The following CNTN5 variants were observed in gnomAD, a reference collection of about 807,000 sequenced individuals.
The protein encoded by CNTN5 is contactin 5.
In CNTN5, 77 loss-of-function variants were observed where a neutral mutation model predicts 129.1. The ratio of observed to expected loss-of-function variants is 0.60; its 90% CI spans 0.50 to 0.72. The LOEUF (loss-of-function observed/expected upper bound fraction) is 0.72, where lower values mean the gene tolerates loss of function less well. CNTN5 is among the 30% of genes least tolerant of loss of function. CNTN5 has a pLI of 0.00. For missense variants in CNTN5, 1,478 were observed against 1,328.8 expected, an observed-to-expected ratio of 1.11 and a Z score of -1.75; for synonymous variants, 509 against 465.6, an observed-to-expected ratio of 1.09 and a Z score of -1.20.
chr11:99,310,536 T>C (rs1282342009), intron 1 of CNTN5, among the ~76,000 whole-genome samples: 2 of 152,172 alleles, frequency 1.3e-5, no homozygotes, highest in African/African-American at 4.8e-5. Flanking sequence ...TATTTGTTTT[T>C]AGGCACATTA....
chr11:100,216,290 T>C (rs1441388163), intron 15 of CNTN5, among the ~76,000 whole-genome samples: 1 of 152,112 alleles, frequency 6.6e-6, no homozygotes, highest in Non-Finnish European at 1.5e-5. Context: ...CACTGACTAT[T>C]CTGCAATGTA....
chr11:99,587,727 A>G (rs570932754), intron 3 of CNTN5, among the ~76,000 whole-genome samples: 374 of 149,384 alleles, frequency 2.5e-3, no homozygotes, highest in Middle Eastern at 6.9e-3. Flanking sequence ...AAAAGTAATG[A>G]TCAGCTTAAA....
chr11:100,029,645 G>T (rs750569580), intron 9 of CNTN5, among the ~76,000 whole-genome samples: 2 of 152,118 alleles, frequency 1.3e-5, no homozygotes, highest in Non-Finnish European at 2.9e-5. Flanking sequence ...AAATTATACT[G>T]AAAGGTAAAT....
chr11:99,628,391 TG>T (rs2135790722), intron 3 of CNTN5, among the ~76,000 whole-genome samples: 1 of 152,174 alleles, frequency 6.6e-6, no homozygotes, highest in African/African-American at 2.4e-5. Context: ...TTCTGGTACT[TG>T]GGAAATTATG....
intron 6 of CNTN5, among the ~76,000 whole-genome samples, chr11:99,891,886 G>A (rs1949069323): frequency 6.6e-6 from 1 of 152,062 alleles, no homozygotes; most frequent in Non-Finnish European, 1.5e-5. Flanking sequence ...TCTAGTTCTA[G>A]ATCCTTGAGG....
At chr11:99,121,135 CTTTTTTT>C (rs575121058) in intron 1 of CNTN5, among the ~76,000 whole-genome samples, 2 of 125,218 alleles carry the variant, frequency 1.6e-5, no homozygotes, top group East Asian at 2.1e-4. Context: ...TTCTTTCTTT[CTTTTTTT>C]TTTTTTTTTT....
intron 4 of CNTN5, among the ~76,000 whole-genome samples, chr11:99,830,214 A>G (rs1947095228): frequency 6.6e-6 from 1 of 152,086 alleles, no homozygotes; most frequent in South Asian, 2.1e-4. Context: ...GAGGAAGCAA[A>G]TTATTTTTCT....
intron 1 of CNTN5, among the ~76,000 whole-genome samples, chr11:99,104,612 G>GTA (rs1866906636): frequency 8.6e-6 from 1 of 116,452 alleles, no homozygotes; most frequent in Non-Finnish European, 1.8e-5. Context: ...CCTACAATGT[G>GTA]TGTGTATATA....
chr11:99,386,362 G>A (rs894755998), intron 2 of CNTN5, among the ~76,000 whole-genome samples: 5 of 152,314 alleles, frequency 3.3e-5, no homozygotes, highest in Non-Finnish European at 4.4e-5. Flanking sequence ...CGAGGGCTGC[G>A]GGTTGCCCAT....
chr11:99,301,608 A>G (rs1461617741), intron 1 of CNTN5, among the ~76,000 whole-genome samples: 2 of 151,890 alleles, frequency 1.3e-5, no homozygotes, highest in Admixed American at 6.6e-5. Context: ...AACTGGAAGA[A>G]TTGAAAGAAA....
chr11:99,685,666 G>A (rs923692904), intron 3 of CNTN5, among the ~76,000 whole-genome samples: 4 of 151,850 alleles, frequency 2.6e-5, no homozygotes, highest in Non-Finnish European at 5.9e-5. Flanking sequence ...GCTTTCTTTG[G>A]TCAGTGTTCA....
chr11:99,781,982 T>G (rs1435957065), intron 3 of CNTN5, among the ~76,000 whole-genome samples: 1 of 151,432 alleles, frequency 6.6e-6, no homozygotes, highest in African/African-American at 2.4e-5. Context: ...GCCAGGGCAA[T>G]TAGGCAGGAG....
chr11:100,128,562 CAAGCACCTTTA>C (rs1288217755), intron 13 of CNTN5, among the ~76,000 whole-genome samples: 5 of 152,056 alleles, frequency 3.3e-5, no homozygotes, highest in African/African-American at 1.2e-4. Context: ...AATGTAATCA[CAAGCACCTTTA>C]CAAGCAAAAC....
intron 1 of CNTN5, among the ~76,000 whole-genome samples, chr11:99,047,959 T>G (rs1007397082): frequency 5.9e-5 from 9 of 152,058 alleles, no homozygotes; most frequent in Admixed American, 1.3e-4. Flanking sequence ...TTTCAAAATG[T>G]GTATGGAAAG....
rs56376015 is a variant in CNTN5 at position 99,403,008 on chromosome 11, CTT to C, written c.-71+77539_-71+77540del. Among the ~76,000 whole-genome samples, 62 of 142,142 alleles carry C rather than the reference CTT, an allele frequency of 4.4e-4. No individual in the cohort carries two copies. The East Asian group carries it at 8.3e-3, about 19-fold the overall frequency. 93.3% of individuals were successfully genotyped at this position (142,142 alleles called of 152,430 possible). The stretch of plus-strand genomic sequence containing the variant: ...AAAGTTTGTCTATTTTGTTAAACTT[CTT>C]TTTTTTTTTTTTTTGAGATGGAGTC... On this transcript the variant is annotated intron_variant, in intron 2 of 24. Coordinates refer to ENST00000524871, the MANE Select transcript of CNTN5 (RefSeq NM_014361.4).
chr11:99,696,022 T>C (rs1011129204), intron 3 of CNTN5, among the ~76,000 whole-genome samples: 12 of 152,008 alleles, frequency 7.9e-5, no homozygotes, highest in African/African-American at 2.9e-4. Context: ...ATTTTTTACA[T>C]TTCATATATT....
chr11:99,904,639 T>A (rs1165626471), intron 6 of CNTN5, among the ~76,000 whole-genome samples: 1 of 152,204 alleles, frequency 6.6e-6, no homozygotes, highest in African/African-American at 2.4e-5. Flanking sequence ...TGATATATAA[T>A]CCTTTTGGTA....
chr11:99,714,792 A>G (rs969089900), intron 3 of CNTN5, among the ~76,000 whole-genome samples: 7 of 151,822 alleles, frequency 4.6e-5, no homozygotes, highest in Non-Finnish European at 8.8e-5. Context: ...TGATGGAAAT[A>G]TAATTATACA....
chr11:100,206,194 T>G (rs1445414371), intron 15 of CNTN5, among the ~76,000 whole-genome samples: 1 of 152,056 alleles, frequency 6.6e-6, no homozygotes, highest in Non-Finnish European at 1.5e-5. Context: ...TGCCTACTCT[T>G]AAAACAGAGT....
Sources: allele counts gnomAD v4.1 joint callset (sites outside exome capture counted in the v4.1 genomes callset), GRCh38; gene constraint gnomAD v4.1.1; transcripts MANE v1.5; gene names NCBI Gene and HGNC (gene_info 2026-07-23, HGNC 2026-07-21).